Variants in LRCH3 observed in about 807,000 individuals in gnomAD.
LRCH3 encodes the protein leucine rich repeats and calponin homology domain containing 3, also known as DISP complex protein LRCH3.
In LRCH3, 68 loss-of-function variants were observed where a neutral mutation model predicts 104.5. The observed-to-expected ratio is 0.65, with a 90% CI of 0.54 to 0.80. The LOEUF (loss-of-function observed/expected upper bound fraction) is 0.80. Ranked by LOEUF, LRCH3 falls within the 30% of genes least tolerant of loss-of-function variation. The probability of loss-of-function intolerance (pLI) is 0.00; values close to 1 mark genes in which losing one functional copy is unlikely to be tolerated. For missense variants in LRCH3, 951 were observed against 953.9 expected (o/e 1.00, Z 0.04); for synonymous variants, 344 against 361.3 (o/e 0.95, Z 0.54).
rs567752904 is a variant in LRCH3 at position 197,810,603 on chromosome 3, C to T, written c.263-4305C>T. On this transcript the variant is annotated intron_variant, in intron 1 of 20. Coordinates refer to ENST00000425562, the MANE Select transcript of LRCH3 (RefSeq NM_001365715.1). This position sits in a 1 kb window ranked among gnomAD's most constrained non-coding sequence, Gnocchi z 4.0. ...TTTATCTGTTTTATGTATATTATCT[C>T]GGGTTTTTAGTTATAAATTAAAATT... Among the ~76,000 whole-genome samples the T allele has an allele frequency of 4.1e-4, 62 of 152,002 alleles. No individual in the cohort carries two copies. The highest frequency in any genetic ancestry group is 1.4e-3 in the African/African-American group (56 of 41,450).
At chr3:197,812,509 T>TG (rs1311021587) in intron 1 of LRCH3, among the ~76,000 whole-genome samples, 1 of 124,462 alleles carries the variant, frequency 8.0e-6, no homozygotes, top group African/African-American at 3.0e-5. Context: ...TTTCAGTTTT[T>TG]TTTTTTTTTT....
At chr3:197,858,761 C>T in intron 14 of LRCH3, 73 bp from the exon 15 acceptor site, 2 of 1,206,310 alleles carry the variant, frequency 1.7e-6, no homozygotes, top group Non-Finnish European at 1.2e-6. Flanking sequence ...TTTCACTAGT[C>T]AGATCTGCCT....
At chr3:197,822,383 C>G (rs906790989) in intron 4 of LRCH3, among the ~76,000 whole-genome samples, 6 of 152,166 alleles carry the variant, frequency 3.9e-5, no homozygotes, top group Admixed American at 2.0e-4. Context: ...TCTTCAAAGA[C>G]TTACTCCTAT....
intron 10 of LRCH3, 107 bp from the exon 11 acceptor site, chr3:197,847,302 G>A: frequency 9.6e-7 from 1 of 1,046,242 alleles, no homozygotes. Context: ...GTTTGCTACT[G>A]ATTAATAGAA....
chr3:197,837,785 A>T (rs1737054034), intron 9 of LRCH3, among the ~76,000 whole-genome samples: 1 of 152,044 alleles, frequency 6.6e-6, no homozygotes, highest in East Asian at 1.9e-4. Flanking sequence ...GGTGGCTCAC[A>T]CCTGTAATCC....
intron 1 of LRCH3, among the ~76,000 whole-genome samples, chr3:197,813,837 A>T (rs1251204685): frequency 6.6e-6 from 1 of 152,098 alleles, no homozygotes; most frequent in Non-Finnish European, 1.5e-5. Flanking sequence ...GGCCTGAGGC[A>T]TGTAATTTCT....
At position 197,856,189 on chromosome 3, in the gene LRCH3, G is replaced by A. The variant is rs1261522480; in HGVS notation, c.1644+1744G>A. Among the ~76,000 whole-genome samples, 2 of 152,014 alleles carry A rather than the reference G, an allele frequency of 1.3e-5. No individual in the cohort carries two copies. Among genetic ancestry groups the A allele is most frequent in the African/African-American group, 4.8e-5 (2 of 41,368 alleles). On this transcript the variant is annotated intron_variant, in intron 14 of 20. Transcript: ENST00000425562. This position sits in a 1 kb window ranked among gnomAD's most constrained non-coding sequence, Gnocchi z 4.2. ...TCACCTATCAGGTATTTGTTTAAAT[G>A]TTCCATCTTTAACATGACTTTTCGG...
chr3:197,840,999 T>C (rs967149676), intron 10 of LRCH3, among the ~76,000 whole-genome samples: 2 of 152,200 alleles, frequency 1.3e-5, no homozygotes, highest in African/African-American at 4.8e-5. Context: ...GTAGAAACCC[T>C]CAAGGTAAAA....
At chr3:197,858,296 A>G (rs1740506688) in intron 14 of LRCH3, among the ~76,000 whole-genome samples, 1 of 152,190 alleles carries the variant, frequency 6.6e-6, no homozygotes, top group Non-Finnish European at 1.5e-5. Context: ...AAGATAAAGG[A>G]TTCGAAGAAA....
intron 8 of LRCH3, among the ~76,000 whole-genome samples, chr3:197,834,997 A>C (rs1736530177): frequency 6.6e-6 from 1 of 152,100 alleles, no homozygotes; most frequent in African/African-American, 2.4e-5. Context: ...TACAAAAGTT[A>C]GCCGGGCGTG....
rs192196518 is a variant in LRCH3 at position 197,838,198 on chromosome 3, C to G, written c.1252-1123C>G. Among the ~76,000 whole-genome samples, 46 of 152,344 alleles carry G rather than the reference C, an allele frequency of 3.0e-4. No individual in the cohort carries two copies. In the East Asian group the frequency reaches 8.3e-3, roughly 27 times the overall value. ...CACTCGGGAGGCTGAAGTAGGAAGA[C>G]TGCTTGAGCCCGGCAGTTTGAGGCC... On this transcript the variant is annotated intron_variant, in intron 9 of 20. Coordinates refer to ENST00000425562, the MANE Select transcript of LRCH3 (RefSeq NM_001365715.1).
Position 197,814,888 on chromosome 3 carries a change from T to A in LRCH3, c.263-20T>A. 6.4e-7 allele frequency: 1 copy of A among 1,567,486 alleles called. No homozygotes were observed. Among genetic ancestry groups the A allele is most frequent in the Non-Finnish European group, 8.6e-7 (1 of 1,161,654 alleles). On this transcript the variant is annotated intron_variant, in intron 1 of 20. Coordinates refer to ENST00000425562, the MANE Select transcript of LRCH3 (RefSeq NM_001365715.1). ...AAGTTCCAAGGACTGATTTTAAACC[T>A]AATTTAATTTTTCTTTTAGACCTGT...
At chr3:197,872,730 C>G (rs181540473) in intron 19 of LRCH3, among the ~76,000 whole-genome samples, 2 of 152,296 alleles carry the variant, frequency 1.3e-5, no homozygotes, top group African/African-American at 4.8e-5. Context: ...GTTCATACAT[C>G]TGTAATCCCA....
At chr3:197,812,017 T>C (rs1733180821) in intron 1 of LRCH3, among the ~76,000 whole-genome samples, 1 of 152,234 alleles carries the variant, frequency 6.6e-6, no homozygotes, top group Non-Finnish European at 1.5e-5. Context: ...TTTGATTTTT[T>C]AAATTGTTGT....
At chr3:197,850,665 T>C in intron 12 of LRCH3, 1 of 1,532,646 alleles carries the variant, frequency 6.5e-7, no homozygotes, top group Non-Finnish European at 9.0e-7. Context: ...ACTCTCTGCA[T>C]TTTTAAGCAC....
At position 197,883,400 on chromosome 3, in the gene LRCH3, G is replaced by A. The variant is rs1456357526; in HGVS notation, c.2209-141G>A. 2.1e-6 allele frequency: 3 copies of A among 1,399,062 alleles called. No homozygotes were observed. The highest frequency in any genetic ancestry group is 5.1e-5 in the East Asian group (2 of 39,248). 86.7% of individuals were successfully genotyped at this position (1,399,062 alleles called of 1,614,324 possible). On this transcript the variant is annotated intron_variant, in intron 20 of 20. Coordinates refer to ENST00000425562, the MANE Select transcript of LRCH3 (RefSeq NM_001365715.1). This position sits in a 1 kb window ranked among gnomAD's most constrained non-coding sequence, Gnocchi z 4.2. ...CATCTCTCTAACTCATATTTACACT[G>A]AGGTCAGTTTCCCAGGTACTAATTT...
intron 20 of LRCH3, among the ~76,000 whole-genome samples, chr3:197,877,515 CCG>C (rs1713027194): frequency 6.9e-6 from 1 of 144,534 alleles, no homozygotes; most frequent in African/African-American, 2.6e-5. Flanking sequence ...ACCCAACTCA[CCG>C]CACCCATGGC....
chr3:197,866,392 T>C (rs930515540), intron 17 of LRCH3, among the ~76,000 whole-genome samples, 173 bp downstream of exon 17: 1 of 152,216 alleles, frequency 6.6e-6, no homozygotes, highest in African/African-American at 2.4e-5. Flanking sequence ...CTTATCTGAA[T>C]TTGTTTGGAT....
At chr3:197,821,517 C>G (rs1049777591) in intron 4 of LRCH3, among the ~76,000 whole-genome samples, 1 of 152,162 alleles carries the variant, frequency 6.6e-6, no homozygotes, top group African/African-American at 2.4e-5. Flanking sequence ...CAACTGTGCT[C>G]TCATTTACTT....
Sources: allele counts gnomAD v4.1 joint callset (sites outside exome capture counted in the v4.1 genomes callset), GRCh38; gene constraint gnomAD v4.1.1; non-coding constraint Gnocchi (gnomAD v3.1); transcripts MANE v1.5; gene names NCBI Gene and HGNC (gene_info 2026-07-23, HGNC 2026-07-21).